AFG2A: variants seen among roughly 807,000 people sequenced by gnomAD.
AFG2A encodes the protein ATPase family gene 2 protein homolog A.
the AFG2A span, chr4:122,934,118 G>T: frequency 1.3e-6 from 2 of 1,595,956 alleles, no homozygotes; most frequent in Admixed American, 3.4e-5. Context: ...GTTTTACCAG[G>T]CAACTTTCTG....
At chr4:122,977,466 G>A in the AFG2A span, among the ~76,000 whole-genome samples, 8 of 152,336 alleles carry the variant, frequency 5.3e-5, no homozygotes, top group Admixed American at 1.3e-4. Context: ...GTTTTCCACC[G>A]TGGGCACCAG....
chr4:123,021,806 C>T, the AFG2A span, among the ~76,000 whole-genome samples: 1 of 152,084 alleles, frequency 6.6e-6, no homozygotes, highest in Non-Finnish European at 1.5e-5. Flanking sequence ...ATGCCAGTAA[C>T]CAAAACAGCA....
At chr4:123,027,796 GT>G in the AFG2A span, among the ~76,000 whole-genome samples, 1 of 152,128 alleles carries the variant, frequency 6.6e-6, no homozygotes, top group African/African-American at 2.4e-5. Flanking sequence ...CTTGGAAGTA[GT>G]TTTGCTAAAA....
the AFG2A span, among the ~76,000 whole-genome samples, chr4:123,290,538 A>G: frequency 6.6e-6 from 1 of 152,204 alleles, no homozygotes; most frequent in Non-Finnish European, 1.5e-5. Context: ...TGATAAAGAC[A>G]TACCCAAGAC....
the AFG2A span, among the ~76,000 whole-genome samples, chr4:123,254,336 A>C: frequency 1.3e-5 from 2 of 151,884 alleles, no homozygotes; most frequent in Non-Finnish European, 2.9e-5. Flanking sequence ...TTTCATATGG[A>C]TTTCTAGTAT....
chr4:122,937,961 G>A, the AFG2A span, among the ~76,000 whole-genome samples: 9 of 151,978 alleles, frequency 5.9e-5, no homozygotes, highest in African/African-American at 2.2e-4. Flanking sequence ...TTAGTATTTT[G>A]GGCTAGAATG....
chr4:123,072,633 A>G, the AFG2A span, among the ~76,000 whole-genome samples: 1 of 152,206 alleles, frequency 6.6e-6, no homozygotes, highest in African/African-American at 2.4e-5. Flanking sequence ...GCTGTATAAC[A>G]TAGCTGGAAT....
At chr4:123,244,482 T>G in the AFG2A span, among the ~76,000 whole-genome samples, 1 of 152,216 alleles carries the variant, frequency 6.6e-6, no homozygotes. Flanking sequence ...GTCACCACTG[T>G]GCAACCCATC....
the AFG2A span, among the ~76,000 whole-genome samples, chr4:123,251,090 C>G: frequency 1.1e-4 from 16 of 152,120 alleles, no homozygotes; most frequent in African/African-American, 3.9e-4. Flanking sequence ...ATAGCTACAG[C>G]TAAAAAAAAT....
At chr4:123,007,592 G>A in the AFG2A span, among the ~76,000 whole-genome samples, 10,193 of 27,216 alleles carry the variant, frequency 0.37, 877 homozygotes, top group South Asian at 0.58. Flanking sequence ...GTGTGTGTGT[G>A]TGTGTGTGTG....
the AFG2A span, among the ~76,000 whole-genome samples, chr4:123,124,133 A>G: frequency 1.3e-5 from 2 of 152,050 alleles, no homozygotes; most frequent in Non-Finnish European, 2.9e-5. Flanking sequence ...CCATTCCATT[A>G]CTGGGTATAT....
At chr4:123,258,858 C>CT in the AFG2A span, among the ~76,000 whole-genome samples, 2,091 of 90,254 alleles carry the variant, frequency 0.023, 57 homozygotes, top group African/African-American at 0.027. Flanking sequence ...GATACTGGTA[C>CT]TTTTTTTTTT....
the AFG2A span, among the ~76,000 whole-genome samples, chr4:122,956,958 T>C: frequency 5.3e-5 from 8 of 152,172 alleles, no homozygotes; most frequent in Non-Finnish European, 1.0e-4. Flanking sequence ...TTGGACAGAC[T>C]TGCTTTTAAA....
the AFG2A span, among the ~76,000 whole-genome samples, chr4:123,096,940 C>A: frequency 2.0e-5 from 3 of 152,008 alleles, no homozygotes; most frequent in African/African-American, 7.2e-5. Context: ...TGTTTTCTTA[C>A]ATTGTTGCAA....
At chr4:123,209,721 G>C in the AFG2A span, among the ~76,000 whole-genome samples, 1 of 151,484 alleles carries the variant, frequency 6.6e-6, no homozygotes, top group Non-Finnish European at 1.5e-5. Flanking sequence ...TGAGTAGCTG[G>C]GACTACCAGC....
At chr4:123,172,069 T>C in the AFG2A span, among the ~76,000 whole-genome samples, 2 of 152,168 alleles carry the variant, frequency 1.3e-5, no homozygotes, top group African/African-American at 4.8e-5. Flanking sequence ...TCTTTTTGTT[T>C]GTAAAGCAGC....
the AFG2A span, among the ~76,000 whole-genome samples, chr4:123,124,325 C>G: frequency 6.6e-6 from 1 of 152,126 alleles, no homozygotes; most frequent in African/African-American, 2.4e-5. Context: ...ATGATGAGTT[C>G]ATGTCCTTTG....
chr4:123,232,263 A>C, the AFG2A span, among the ~76,000 whole-genome samples: 3 of 152,042 alleles, frequency 2.0e-5, no homozygotes, highest in Non-Finnish European at 4.4e-5. Flanking sequence ...AAAAGAAGAA[A>C]GTTAAGTATA....
chr4:123,172,107 T>C, the AFG2A span, among the ~76,000 whole-genome samples: 1 of 152,186 alleles, frequency 6.6e-6, no homozygotes, highest in African/African-American at 2.4e-5. Context: ...CAGTGACTTT[T>C]TGCCATGCAT....
Sources: gnomAD v4.1 joint callset for allele counts (sites outside exome capture counted in the v4.1 genomes callset) on GRCh38, gnomAD v4.1.1 for gene constraint, MANE v1.5 for transcripts, NCBI Gene and HGNC (gene_info 2026-07-23, HGNC 2026-07-21) for gene names.